SH3PXD2A: variants seen among roughly 807,000 people sequenced by gnomAD.
The protein encoded by SH3PXD2A is SH3 and PX domains 2A.
SH3PXD2A carries 32 observed loss-of-function variants against 115.2 expected under a neutral mutation model. The ratio of observed to expected loss-of-function variants is 0.28; its 90% CI spans 0.21 to 0.37. The LOEUF (loss-of-function observed/expected upper bound fraction) is 0.37, where lower values mean the gene tolerates loss of function less well. Ranked by LOEUF, SH3PXD2A falls within the 10% of genes least tolerant of loss-of-function variation. The pLI is 1.00. For synonymous variants in SH3PXD2A, 610 were observed against 629.1 expected (o/e 0.97, Z 0.45); for missense variants, 1,328 against 1,498.7 (o/e 0.89, Z 1.88).
intron 2 of SH3PXD2A, among the ~76,000 whole-genome samples, chr10:103,772,209 A>C (rs1048083855): frequency 1.3e-5 from 2 of 152,202 alleles, no homozygotes; most frequent in Non-Finnish European, 2.9e-5. Context: ...AGACAGTTCA[A>C]ATGTCACCCC....
Position 103,605,932 on chromosome 10 carries a change from C to T in SH3PXD2A, c.1309-15G>A. 2 of 1,613,378 alleles carry T rather than the reference C, an allele frequency of 1.2e-6. No individual in the cohort carries two copies. Among genetic ancestry groups the T allele is most frequent in the African/African-American group, 1.3e-5 (1 of 75,028 alleles). Reference sequence around the variant, plus strand: ...AGTTGGAACCCCTAAGGTTAAGGAACACACAGTGGGCAAAACCCGCCTAAA... The same window carrying T: ...AGTTGGAACCCCTAAGGTTAAGGAATACACAGTGGGCAAAACCCGCCTAAA... On this transcript the variant is annotated splice_polypyrimidine_tract_variant and intron_variant, in intron 13 of 14. Coordinates refer to ENST00000369774, the MANE Select transcript of SH3PXD2A (RefSeq NM_001394015.1).
At chr10:103,661,664 CG>C (rs1285718378) in intron 7 of SH3PXD2A, 1 of 985,258 alleles carries the variant, frequency 1.0e-6, no homozygotes, top group Non-Finnish European at 1.2e-6. Context: ...CCTGCTCCCT[CG>C]GGCGGGAGAG....
At chr10:103,673,174 G>T (rs2037486474) in intron 6 of SH3PXD2A, 1 of 152,242 alleles carries the variant, frequency 6.6e-6, no homozygotes. Context: ...TCTGAAGATG[G>T]TGAGTATCTC....
chr10:103,729,462 G>C (rs2038287958), intron 4 of SH3PXD2A, among the ~76,000 whole-genome samples: 1 of 152,252 alleles, frequency 6.6e-6, no homozygotes, highest in Non-Finnish European at 1.5e-5. Context: ...CAATCTGATT[G>C]AGACTTTCTA....
intron 1 of SH3PXD2A, among the ~76,000 whole-genome samples, chr10:103,808,652 T>C (rs1442448474): frequency 2.6e-5 from 4 of 152,202 alleles, no homozygotes; most frequent in African/African-American, 9.6e-5. Flanking sequence ...TGACCATCCC[T>C]TGTGGTGCTC....
At chr10:103,660,389 G>A (rs2037276315) in intron 8 of SH3PXD2A, among the ~76,000 whole-genome samples, 1 of 152,200 alleles carries the variant, frequency 6.6e-6, no homozygotes, top group African/African-American at 2.4e-5. Flanking sequence ...TGTCAGTGCC[G>A]GACCTTGCCT....
intron 1 of SH3PXD2A, among the ~76,000 whole-genome samples, chr10:103,830,186 T>G (rs1297663907): frequency 6.6e-6 from 1 of 152,228 alleles, no homozygotes; most frequent in Admixed American, 6.5e-5. Context: ...GCTGAGTTCT[T>G]AAGATAATGG....
At chr10:103,804,102 T>G (rs2039173995) in intron 1 of SH3PXD2A, among the ~76,000 whole-genome samples, 1 of 152,074 alleles carries the variant, frequency 6.6e-6, no homozygotes, top group Non-Finnish European at 1.5e-5. Context: ...GCAGCAGGCT[T>G]CAGAGAGAAC....
chr10:103,633,520 G>C (rs58306005), intron 8 of SH3PXD2A, among the ~76,000 whole-genome samples: 6,702 of 150,034 alleles, frequency 0.045, 493 homozygotes, highest in African/African-American at 0.15. Context: ...GAGGTCAGGA[G>C]TTCAAGACCA....
chr10:103,627,152 A>G lies in SH3PXD2A; in HGVS notation c.655T>C (p.Tyr219His). Residue 219 changes from tyrosine (Y) to histidine (H), a missense_variant, in exon 9 of 15, where the codon TAC becomes CAC. Tyr to His is a moderately conservative substitution (Grantham distance 83). This residue lies in a region of SH3PXD2A where 509 missense variants were observed against 628.3 expected (regional missense o/e 0.81). Transcript: ENST00000369774. This position sits in a 1 kb window ranked among gnomAD's most constrained non-coding sequence, Gnocchi z 4.4. ...CGAGTACCATTCTGGGCCTCCAGGT[A>G]GGTGGCAGGGACCCAGCCCTGCTCC... ...SEEQGWVPAT[Y>H]LEAQNGTRDD... 6.2e-7 allele frequency: 1 copy of G among 1,613,626 alleles called. No individual in the cohort carries two copies. The highest frequency in any genetic ancestry group is 8.5e-7 in the Non-Finnish European group (1 of 1,179,546).
intron 5 of SH3PXD2A, among the ~76,000 whole-genome samples, chr10:103,721,919 G>A (rs2038186934): frequency 1.3e-5 from 2 of 152,118 alleles, no homozygotes; most frequent in South Asian, 4.1e-4. Context: ...GATGAATGTG[G>A]GCTTCTGCTT....
Position 103,808,213 on chromosome 10 carries a change from G to A in SH3PXD2A, c.73-6851C>T, listed in dbSNP as rs146327890. ...CTGCTGTGGCCCACTGCACACCACC[G>A]GGAAGCAGTAAAGGCCCTGGTGTTA... On this transcript the variant is annotated intron_variant, in intron 1 of 14. Transcript: ENST00000369774. Among the ~76,000 whole-genome samples, 1,503 of 152,018 alleles carry A rather than the reference G, an allele frequency of 9.9e-3. 28 individuals carry two copies. Among genetic ancestry groups the A allele is most frequent in the African/African-American group, 0.034 (1,395 of 41,480 alleles).
chr10:103,681,752 A>ACACACACG (rs398054664), intron 6 of SH3PXD2A, among the ~76,000 whole-genome samples: 13 of 132,080 alleles, frequency 9.8e-5, no homozygotes, highest in African/African-American at 3.5e-4. Context: ...ACACACACAC[A>ACACACACG]CGCGCCCGCG....
rs2037140668 is a variant in SH3PXD2A, at chr10:103,652,416, G to A, written c.604+8567C>T. On this transcript the variant is annotated intron_variant, in intron 8 of 14. Transcript: ENST00000369774. ...AGGCCAGGATTCTAGGTCAGCACTG[G>A]AAACCCAGAGGATGAGGTTATGGAA... is the stretch of plus-strand genomic sequence containing the variant. 2.0e-5 allele frequency among the ~76,000 whole-genome samples: 3 copies of A among 152,186 alleles called. No individual in the cohort carries two copies. In the South Asian group the frequency reaches 6.2e-4, roughly 32 times the overall value.
chr10:103,683,021 G>GTAGGT (rs2037631027), intron 6 of SH3PXD2A, among the ~76,000 whole-genome samples: 1 of 152,000 alleles, frequency 6.6e-6, no homozygotes, highest in Non-Finnish European at 1.5e-5. Context: ...CTCTACCCTC[G>GTAGGT]CTCCTGCCGG....
chr10:103,830,258 T>C (rs576435497), intron 1 of SH3PXD2A, among the ~76,000 whole-genome samples: 1 of 152,350 alleles, frequency 6.6e-6, no homozygotes, highest in East Asian at 1.9e-4. Flanking sequence ...TAAAAAGAAC[T>C]TTCATTCCAG....
chr10:103,833,315 T>C (rs2039500060), intron 1 of SH3PXD2A, among the ~76,000 whole-genome samples: 1 of 152,216 alleles, frequency 6.6e-6, no homozygotes, highest in Non-Finnish European at 1.5e-5. Flanking sequence ...ACATCACTTC[T>C]CATTTGATGG....
intron 7 of SH3PXD2A, 65 bp from the exon 8 acceptor site, chr10:103,661,179 CCT>C: frequency 1.9e-6 from 3 of 1,573,664 alleles, no homozygotes; most frequent in East Asian, 2.3e-5. Flanking sequence ...CAGGGCGCCC[CCT>C]GTCCATCGGC....
intron 1 of SH3PXD2A, among the ~76,000 whole-genome samples, chr10:103,836,129 C>T (rs1256958519): frequency 1.3e-5 from 2 of 152,110 alleles, no homozygotes; most frequent in African/African-American, 2.4e-5. Flanking sequence ...TGGGCACCTG[C>T]CTGGCACCAA....
Sources: allele counts gnomAD v4.1 joint callset (sites outside exome capture counted in the v4.1 genomes callset), GRCh38; gene constraint gnomAD v4.1.1; regional missense constraint gnomAD v4.1.1; non-coding constraint Gnocchi (gnomAD v3.1); transcripts MANE v1.5; gene names NCBI Gene and HGNC (gene_info 2026-07-23, HGNC 2026-07-21).